PATJ: variants seen among roughly 807,000 people sequenced by gnomAD.
PATJ encodes inaD-like protein.
PATJ carries 190 observed loss-of-function variants against 224.9 expected under a neutral mutation model. The ratio of observed to expected loss-of-function variants is 0.84; its 90% confidence interval spans 0.75 to 0.95. The LOEUF is 0.95. Ranked by LOEUF, PATJ falls within the 40% of genes least tolerant of loss-of-function variation. The pLI is 0.00. For synonymous variants in PATJ, 769 were observed against 820.3 expected (o/e 0.94, Z 1.07); for missense variants, 2,121 against 2,270.3 (o/e 0.93, Z 1.34).
At position 62,086,805 on chromosome 1, in the gene PATJ, T is replaced by C. The variant is rs571036817; in HGVS notation, c.4377+2157T>C. Among the ~76,000 whole-genome samples the C allele has an allele frequency of 1.4e-3, 218 of 152,206 alleles. 1 individual carries two copies. Among genetic ancestry groups the C allele is most frequent in the Admixed American group, 2.8e-3 (43 of 15,286 alleles). On this transcript the variant is annotated intron_variant, in intron 33 of 43. Coordinates refer to ENST00000642238, the MANE Select transcript of PATJ (RefSeq NM_001350145.3). This position sits in a 1 kb window ranked among gnomAD's most constrained non-coding sequence, Gnocchi z 4.0. Reference sequence around the variant, plus strand: ...ACTTGGAGCGCCTCGCTCAGCCTGTTGTAGGATGGAGTTCATGAGAGAGCG... The same window carrying C: ...ACTTGGAGCGCCTCGCTCAGCCTGTCGTAGGATGGAGTTCATGAGAGAGCG...
At chr1:62,060,744 A>G (rs890419037) in intron 31 of PATJ, among the ~76,000 whole-genome samples, 4 of 152,116 alleles carry the variant, frequency 2.6e-5, no homozygotes, top group Admixed American at 6.5e-5. Context: ...TGGTAAGATC[A>G]TAGCTTACAG....
chr1:61,947,124 A>C (rs1393711845), intron 27 of PATJ, among the ~76,000 whole-genome samples: 1 of 152,214 alleles, frequency 6.6e-6, no homozygotes, highest in East Asian at 1.9e-4. Context: ...CTGAATGGGC[A>C]AAAACTGGAA....
At chr1:61,821,272 C>T (rs1397733206) in intron 14 of PATJ, among the ~76,000 whole-genome samples, 2 of 152,040 alleles carry the variant, frequency 1.3e-5, no homozygotes, top group Non-Finnish European at 2.9e-5. Context: ...GTCTCGATCA[C>T]CTGACCTTGT....
intron 14 of PATJ, among the ~76,000 whole-genome samples, chr1:61,813,346 T>TAG (rs1557689907): frequency 2.2e-4 from 11 of 49,128 alleles, no homozygotes; most frequent in East Asian, 8.1e-4. Context: ...TATATATATA[T>TAG]ATATATATAT....
chr1:62,071,100 C>T (rs566654353), intron 31 of PATJ, among the ~76,000 whole-genome samples: 28 of 152,058 alleles, frequency 1.8e-4, no homozygotes, highest in Admixed American at 7.2e-4. Flanking sequence ...AAACCAGTTA[C>T]AGAAAATACT....
At position 62,016,626 on chromosome 1, in the gene PATJ, G is replaced by A. The variant is rs1441498132; in HGVS notation, c.3868-1230G>A. ...TCATAGTTTATCAGTGGGAAAATCA[G>A]GAATAAAGAAATTTAGAATTTAAAT... On this transcript the variant is annotated intron_variant, in intron 28 of 43. Transcript: ENST00000642238. 2.0e-5 allele frequency among the ~76,000 whole-genome samples: 3 copies of A among 152,254 alleles called. No homozygotes were observed. The East Asian group carries it at 5.8e-4, about 29-fold the overall frequency.
chr1:61,748,073 G>T (rs1407507004), intron 1 of PATJ, among the ~76,000 whole-genome samples: 1 of 151,776 alleles, frequency 6.6e-6, no homozygotes, highest in African/African-American at 2.4e-5. Flanking sequence ...TAGAGACGGG[G>T]TTTCACCATG....
At chr1:61,770,979 G>T (rs534910968) in intron 5 of PATJ, among the ~76,000 whole-genome samples, 2 of 152,094 alleles carry the variant, frequency 1.3e-5, no homozygotes, top group South Asian at 4.2e-4. Context: ...GGAGGGTTTG[G>T]CCTCTATTGA....
At chr1:61,811,827 C>T (rs1041301923) in intron 14 of PATJ, among the ~76,000 whole-genome samples, 2 of 151,062 alleles carry the variant, frequency 1.3e-5, no homozygotes, top group Admixed American at 6.6e-5. Flanking sequence ...TTTGGGATGC[C>T]GAGGTGGGTG....
At chr1:61,879,714 A>G (rs1165713239) in intron 21 of PATJ, among the ~76,000 whole-genome samples, 2 of 151,980 alleles carry the variant, frequency 1.3e-5, no homozygotes, top group African/African-American at 2.4e-5. Context: ...AAATATTGGT[A>G]AAATTCCCTC....
intron 33 of PATJ, among the ~76,000 whole-genome samples, chr1:62,098,119 G>A (rs571503975): frequency 6.6e-5 from 10 of 152,224 alleles, no homozygotes; most frequent in South Asian, 2.1e-4. Flanking sequence ...CAACACTTTA[G>A]GAGGCCGAGG....
At chr1:61,937,816 A>C (rs1459783693) in intron 27 of PATJ, among the ~76,000 whole-genome samples, 10 of 151,868 alleles carry the variant, frequency 6.6e-5, no homozygotes, top group Admixed American at 4.6e-4. Flanking sequence ...ACACCTGGCT[A>C]ATTTTGTGTT....
At chr1:62,073,095 T>G in intron 31 of PATJ, 2 of 985,334 alleles carry the variant, frequency 2.0e-6, no homozygotes, top group Non-Finnish European at 1.2e-6. Flanking sequence ...CACCTGACAA[T>G]GTACATAACT....
At chr1:62,145,399 C>T (rs2476198) in intron 41 of PATJ, among the ~76,000 whole-genome samples, 20 of 151,990 alleles carry the variant, frequency 1.3e-4, no homozygotes, top group Non-Finnish European at 2.2e-4. Flanking sequence ...AGGTGGCTCA[C>T]GCCTGTAATC....
At chr1:61,822,115 A>G (rs1657393091) in intron 14 of PATJ, among the ~76,000 whole-genome samples, 1 of 152,226 alleles carries the variant, frequency 6.6e-6, no homozygotes, top group Non-Finnish European at 1.5e-5. Flanking sequence ...ATAACATTTA[A>G]TGAGCCCATG....
In PATJ at chr1:62,018,018, T is replaced by C; in HGVS notation, c.3959+71T>C. On this transcript the variant is annotated intron_variant, in intron 29 of 43. Transcript: ENST00000642238. The surrounding 1 kb of genome is among the most constrained non-coding windows in gnomAD (Gnocchi z 4.2). ...AAGATGTTATTAGTGTAAGACTATG[T>C]CATCTTTGATTTGTCTAGCGAAATC... The C allele has an allele frequency of 1.3e-6, 1 of 796,972 alleles. No individual in the cohort carries two copies. Among genetic ancestry groups the C allele is most frequent in the South Asian group, 1.5e-5 (1 of 64,704 alleles). 49.4% of individuals were successfully genotyped at this position (796,972 alleles called of 1,614,324 possible).
intron 27 of PATJ, among the ~76,000 whole-genome samples, chr1:61,953,847 A>G (rs1680064584): frequency 6.6e-6 from 1 of 152,192 alleles, no homozygotes; most frequent in African/African-American, 2.4e-5. Context: ...ATAACTGGCC[A>G]TCCCTGATCA....
At chr1:61,775,785 G>A (rs1646880358) in intron 7 of PATJ, among the ~76,000 whole-genome samples, 1 of 152,034 alleles carries the variant, frequency 6.6e-6, no homozygotes, top group Non-Finnish European at 1.5e-5. Flanking sequence ...ACCTTTCATT[G>A]TTTAGCAGTG....
intron 30 of PATJ, among the ~76,000 whole-genome samples, chr1:62,042,585 C>G (rs1049779471): frequency 2.4e-4 from 36 of 151,996 alleles, no homozygotes; most frequent in Admixed American, 2.2e-3. Flanking sequence ...TATTAAGTAG[C>G]AGTTTTATTA....
Sources: gnomAD v4.1 joint callset for allele counts (sites outside exome capture counted in the v4.1 genomes callset) on GRCh38, gnomAD v4.1.1 for gene constraint, Gnocchi (gnomAD v3.1) non-coding constraint, MANE v1.5 for transcripts, NCBI Gene and HGNC (gene_info 2026-07-23, HGNC 2026-07-21) for gene names.